Variants in ISY1 observed in about 807,000 individuals in gnomAD.
ISY1 encodes ISY1 spliceosome associated protein, also known as pre-mRNA-splicing factor ISY1 homolog.
A neutral mutation model predicts 54.4 loss-of-function variants in ISY1; 12 were observed. The ratio of observed to expected loss-of-function variants is 0.22; its 90% CI spans 0.14 to 0.36. The LOEUF is 0.36. Among genes scored for constraint, ISY1 ranks in the 10% least tolerant of loss-of-function variants. The pLI, the probability that ISY1 is intolerant of heterozygous loss-of-function variation, is 1.00. For synonymous variants in ISY1, 96 were observed against 117.9 expected, an observed-to-expected ratio of 0.81 and a Z score of 1.20; for missense variants, 282 against 342.2, an observed-to-expected ratio of 0.82 and a Z score of 1.39.
chr3:129,132,392 C>T (rs1037897103), intron 9 of ISY1, among the ~76,000 whole-genome samples: 5 of 152,158 alleles, frequency 3.3e-5, no homozygotes, highest in African/African-American at 1.2e-4. Flanking sequence ...TTCCCCACAA[C>T]GCCAGCTCCC....
chr3:129,153,040 C>T (rs1370757344), intron 5 of ISY1, among the ~76,000 whole-genome samples: 3 of 139,442 alleles, frequency 2.2e-5, no homozygotes, highest in African/African-American at 5.4e-5. Context: ...GATGGACTGT[C>T]GCTCTGTCAC....
chr3:129,144,929 G>A (rs954902099), intron 6 of ISY1, among the ~76,000 whole-genome samples: 1 of 151,762 alleles, frequency 6.6e-6, no homozygotes, highest in Non-Finnish European at 1.5e-5. Flanking sequence ...TCTTTTTTTT[G>A]AGACAGCATC....
chr3:129,135,056 A>G (rs1936350885), intron 7 of ISY1, 102 bp from the exon 8 acceptor site: 1 of 1,419,060 alleles, frequency 7.0e-7, no homozygotes, highest in Non-Finnish European at 9.3e-7. Flanking sequence ...ACGTATGTTC[A>G]TGAAAATACC....
At chr3:129,154,874 A>G (rs560064957) in intron 5 of ISY1, among the ~76,000 whole-genome samples, 1,586 of 150,834 alleles carry the variant, frequency 0.011, 12 homozygotes, top group Non-Finnish European at 0.016. Flanking sequence ...ATTTTTAGTA[A>G]AGACGGGGTT....
intron 9 of ISY1, among the ~76,000 whole-genome samples, chr3:129,131,004 C>T (rs1936222287): frequency 6.6e-6 from 1 of 152,196 alleles, no homozygotes. Context: ...ATGTACCATG[C>T]ATAGAAAAAT....
Position 129,144,762 on chromosome 3 carries a change from A to G in ISY1, c.300+999T>C, listed in dbSNP as rs1936722272. The stretch of plus-strand genomic sequence containing the variant: ...TGTTTTACAATGAGCCATGTTCTTA[A>G]AAGTTTGAAAGCTATGGTTCTAGAG... On this transcript the variant is annotated intron_variant, in intron 6 of 10. Transcript: ENST00000393295. Among the ~76,000 whole-genome samples, 3 of 152,122 alleles carry G rather than the reference A, an allele frequency of 2.0e-5. No homozygotes were observed. In the South Asian group the frequency reaches 6.2e-4, roughly 32 times the overall value.
chr3:129,145,962 G>A, intron 5 of ISY1, 89 bp from the exon 6 acceptor site: 1 of 1,267,404 alleles, frequency 7.9e-7, no homozygotes, highest in Non-Finnish European at 1.1e-6. Flanking sequence ...TCCTTAAAAT[G>A]AATGTCAACA....
At chr3:129,140,267 T>G in intron 7 of ISY1, 101 bp downstream of exon 7, 1 of 1,004,644 alleles carries the variant, frequency 1.0e-6, no homozygotes, top group South Asian at 1.6e-5. Context: ...TATAAGGCTG[T>G]TATGCAACTA....
At chr3:129,146,291 G>A (rs988726838) in intron 5 of ISY1, among the ~76,000 whole-genome samples, 4 of 152,148 alleles carry the variant, frequency 2.6e-5, no homozygotes, top group African/African-American at 7.2e-5. Flanking sequence ...AGCGTTTTCA[G>A]GAAAGCAATG....
intron 5 of ISY1, among the ~76,000 whole-genome samples, chr3:129,149,076 A>G (rs1560020061): frequency 6.6e-6 from 1 of 152,108 alleles, no homozygotes; most frequent in Non-Finnish European, 1.5e-5. Context: ...ACAGACAGGA[A>G]GACTGCTCAA....
chr3:129,146,455 A>G (rs1253376356), intron 5 of ISY1, among the ~76,000 whole-genome samples: 3 of 152,184 alleles, frequency 2.0e-5, no homozygotes, highest in Admixed American at 6.5e-5. Context: ...ATGAACCCTA[A>G]TATGTTGAAA....
In ISY1 at chr3:129,141,592, T is replaced by TACA. The variant is rs1560017249; in HGVS notation, c.301-1108_301-1107insTGT. Among the ~76,000 whole-genome samples the TACA allele has an allele frequency of 1.3e-4, 19 of 151,042 alleles. 1 individual carries two copies. The highest frequency in any genetic ancestry group is 4.6e-4 in the Admixed American group (7 of 15,128). ...ACATGGTGAAACCCCGTCTCTACTA[T>TACA]AAATACAAAAAATTAGCTAGGCATG... On this transcript the variant is annotated intron_variant, in intron 6 of 10. Coordinates refer to ENST00000393295, the MANE Select transcript of ISY1 (RefSeq NM_020701.4).
At chr3:129,137,447 C>T (rs1056941323) in intron 7 of ISY1, among the ~76,000 whole-genome samples, 5 of 151,968 alleles carry the variant, frequency 3.3e-5, no homozygotes, top group Non-Finnish European at 7.4e-5. Flanking sequence ...CTGGAATAAG[C>T]AAAAATATAT....
intron 7 of ISY1, among the ~76,000 whole-genome samples, chr3:129,136,926 A>C (rs13085999): frequency 6.9e-6 from 1 of 145,742 alleles, no homozygotes; most frequent in African/African-American, 2.6e-5. Flanking sequence ...ACAGAGCCTC[A>C]CTCTGTTGCC....
chr3:129,157,854 G>A lies in ISY1; in HGVS notation c.78+654C>T, dbSNP rs181365020. On this transcript the variant is annotated intron_variant, in intron 3 of 10. Coordinates refer to ENST00000393295, the MANE Select transcript of ISY1 (RefSeq NM_020701.4). ...TTCAAGTGTACAGACTCTCAAGAGC[G>A]TCAGCAGGTACAGATAAGAAATAGG... Among the ~76,000 whole-genome samples, 11 of 152,078 alleles carry A rather than the reference G, an allele frequency of 7.2e-5. No homozygotes were observed. In the East Asian group the frequency reaches 1.7e-3, roughly 24 times the overall value.
chr3:129,144,261 G>GA, intron 6 of ISY1: 4 of 341,900 alleles, frequency 1.2e-5, no homozygotes, highest in South Asian at 2.3e-5. Flanking sequence ...TAAATGAAAA[G>GA]AAAAAAAGAA....
intron 5 of ISY1, among the ~76,000 whole-genome samples, chr3:129,147,102 C>T (rs1394030864): frequency 6.7e-6 from 1 of 149,222 alleles, no homozygotes; most frequent in Non-Finnish European, 1.5e-5. Flanking sequence ...TAACTGGGTG[C>T]GGTGGCTCAC....
intron 5 of ISY1, among the ~76,000 whole-genome samples, chr3:129,147,125 A>T (rs1936788132): frequency 6.6e-6 from 1 of 151,914 alleles, no homozygotes; most frequent in South Asian, 2.1e-4. Flanking sequence ...CTGTAATCCC[A>T]GCCTTTCGGG....
At chr3:129,160,898 G>C (rs1401250157) in intron 1 of ISY1, 75 bp downstream of exon 1, 7 of 1,523,002 alleles carry the variant, frequency 4.6e-6, no homozygotes, top group African/African-American at 1.4e-5. Flanking sequence ...TACCGAATGA[G>C]CGCCCCAGGT....
Sources: allele counts gnomAD v4.1 joint callset (sites outside exome capture counted in the v4.1 genomes callset), GRCh38; gene constraint gnomAD v4.1.1; transcripts MANE v1.5; gene names NCBI Gene and HGNC (gene_info 2026-07-23, HGNC 2026-07-21).